Variants in INTS1 observed in about 807,000 individuals in gnomAD.
INTS1 encodes integrator complex subunit 1.
In INTS1, 137 loss-of-function variants were observed where a neutral mutation model predicts 241.6. The observed-to-expected ratio is 0.57, with a 90% CI of 0.49 to 0.65. The LOEUF is 0.65. Ranked by LOEUF, INTS1 falls within the 30% of genes least tolerant of loss-of-function variation. The pLI is 0.00. For missense variants in INTS1, 3,073 were observed against 3,032.2 expected, an observed-to-expected ratio of 1.01 and a Z score of -0.32; for synonymous variants, 1,692 against 1,337.8, an observed-to-expected ratio of 1.26 and a Z score of -5.78.
chr7:1,480,000 G>A (rs527654509), intron 30 of INTS1, among the ~76,000 whole-genome samples: 1 of 152,238 alleles, frequency 6.6e-6, no homozygotes, highest in African/African-American at 2.4e-5. Context: ...GACCTCAGGC[G>A]AGACCTGCAA....
In INTS1 at chr7:1,496,142, C is replaced by T; in HGVS notation, c.1711+14G>A. 3 of 1,608,276 alleles carry T rather than the reference C, an allele frequency of 1.9e-6. No individual in the cohort carries two copies. The highest frequency in any genetic ancestry group is 2.6e-6 in the Non-Finnish European group (3 of 1,174,860). On this transcript the variant is annotated intron_variant, in intron 12 of 47. Coordinates refer to ENST00000404767, the MANE Select transcript of INTS1 (RefSeq NM_001080453.3). ...CCCCCACCAAGCAGGGCCAGGCCAC[C>T]CCCACATCCTTACTCCTCTTTTCTC...
intron 39 of INTS1, among the ~76,000 whole-genome samples, 162 bp downstream of exon 39, chr7:1,475,786 A>G (rs951408848): frequency 6.6e-5 from 10 of 152,200 alleles, no homozygotes; most frequent in Non-Finnish European, 8.8e-5. Context: ...TCGGTATAAA[A>G]CTCAACGCAG....
At chr7:1,485,263 T>C in intron 23 of INTS1, 27 bp downstream of exon 23, 1 of 1,598,034 alleles carries the variant, frequency 6.3e-7, no homozygotes. Flanking sequence ...CATCTTTCCC[T>C]GCCGCGGCCC....
chr7:1,489,428 C>T (rs1268990865), intron 17 of INTS1, 24 bp from the exon 18 acceptor site: 2 of 1,053,358 alleles, frequency 1.9e-6, no homozygotes, highest in African/African-American at 4.1e-5. Flanking sequence ...GGGTGTGGGG[C>T]TGGCCAGGCT....
intron 44 of INTS1, chr7:1,471,882 G>A (rs772167639): frequency 1.7e-6 from 1 of 586,762 alleles, no homozygotes; most frequent in Non-Finnish European, 3.0e-6. Flanking sequence ...CCATATCCAG[G>A]GTGCTCTTAG....
At position 1,489,686 on chromosome 7, in the gene INTS1, G is replaced by A. The variant is rs1271447690; in HGVS notation, c.2166-4C>T. On this transcript the variant is annotated splice_region_variant and splice_polypyrimidine_tract_variant and intron_variant, in intron 16 of 47. Coordinates refer to ENST00000404767, the MANE Select transcript of INTS1 (RefSeq NM_001080453.3). ...GGCGAGGTTCGGAGGCTGGTACCTG[G>A]AAGGCAGGGGCGCCCCGACTCAGGC... is the stretch of plus-strand genomic sequence containing the variant. 2.0e-6 allele frequency: 3 copies of A among 1,524,410 alleles called. No homozygotes were observed. The highest frequency in any genetic ancestry group is 2.1e-5 in the Admixed American group (1 of 47,150). 94.4% of individuals were successfully genotyped at this position (1,524,410 alleles called of 1,614,324 possible).
rs1395400285 is a variant in INTS1 at position 1,479,620 on chromosome 7, A to G, written c.4139T>C (p.Leu1380Pro). The change falls in exon 31 of 48, where the codon CTG becomes CCG. Residue 1380 changes from leucine (L) to proline (P), a missense_variant. By Grantham distance (98) the Leu-to-Pro change is moderately conservative. Transcript: ENST00000404767. ...SSSPRPVALA[L>P]QQALGQELAR... ...CAGCTCCTGGCCCAGGGCCTGCTGC[A>G]GGGCGAGGGCCACGGGGCGGGGACT... 2 of 1,524,608 alleles carry G rather than the reference A, an allele frequency of 1.3e-6. No homozygotes were observed. The highest frequency in any genetic ancestry group is 2.0e-5 in the Admixed American group (1 of 48,894). The allele number at this position is 1,524,608 out of a possible 1,614,324, so 94.4% of individuals were successfully genotyped here.
intron 3 of INTS1, among the ~76,000 whole-genome samples, chr7:1,502,070 G>C (rs914182792): frequency 6.6e-6 from 1 of 152,134 alleles, no homozygotes; most frequent in Non-Finnish European, 1.5e-5. Context: ...TGAGGGCAAG[G>C]CCACAGCCCA....
At chr7:1,489,295 C>T (rs1782431945) in intron 18 of INTS1, 49 bp downstream of exon 18, 1 of 1,572,950 alleles carries the variant, frequency 6.4e-7, no homozygotes, top group Non-Finnish European at 8.6e-7. Flanking sequence ...GGAACGAGAC[C>T]AGGCCCTGCT....
chr7:1,483,016 A>G, intron 26 of INTS1: 1 of 338,616 alleles, frequency 3.0e-6, no homozygotes, highest in Non-Finnish European at 5.5e-6. Context: ...ACCAGGTCCC[A>G]TCCAGCTCTC....
Position 1,485,566 on chromosome 7 carries a change from G to A in INTS1, c.2977-97C>T, listed in dbSNP as rs77455613. ...ACACGCATGGTGCCCTCAGAGCCCC[G>A]AGGAGAATGTGGCGCTTGCTTCCCA... On this transcript the variant is annotated intron_variant, in intron 22 of 47. Coordinates refer to ENST00000404767, the MANE Select transcript of INTS1 (RefSeq NM_001080453.3). The A allele has an allele frequency of 0.013, 16,579 of 1,305,108 alleles. 1,393 individuals carry two copies. In the African/African-American group the frequency reaches 0.2, roughly 16 times the overall value. 80.8% of individuals were successfully genotyped at this position (1,305,108 alleles called of 1,614,324 possible).
In INTS1 at chr7:1,474,450, CCA is replaced by C. The variant is rs1227605033; in HGVS notation, c.5637-92_5637-91del. ...AAGGCCCCACTGCCTGCCCCGGGAG[CCA>C]GACCCCGTGCTGCCCCCCAACCACC... On this transcript the variant is annotated intron_variant, in intron 40 of 47. Transcript: ENST00000404767. 5 of 1,362,794 alleles carry C rather than the reference CCA, an allele frequency of 3.7e-6. No individual in the cohort carries two copies. The East Asian group carries it at 1.0e-4, about 28-fold the overall frequency. The allele number at this position is 1,362,794 out of a possible 1,614,324, so 84.4% of individuals were successfully genotyped here. A position where few individuals can be genotyped will look rare whatever the true frequency, so the allele number is the denominator to read the frequency against.
chr7:1,475,843 A>T, intron 39 of INTS1, 105 bp downstream of exon 39: 1 of 1,379,768 alleles, frequency 7.2e-7, no homozygotes, highest in South Asian at 1.4e-5. Flanking sequence ...AAGGGGCAAG[A>T]GGGGTAGCCG....
At chr7:1,495,684 T>C in intron 12 of INTS1, 131 bp from the exon 13 acceptor site, 1 of 1,199,202 alleles carries the variant, frequency 8.3e-7, no homozygotes, top group Non-Finnish European at 1.2e-6. Flanking sequence ...TTCTGGACGA[T>C]TCCCAGCTGG....
chr7:1,474,468 C>G, intron 40 of INTS1, 108 bp from the exon 41 acceptor site: 1 of 1,229,812 alleles, frequency 8.1e-7, no homozygotes, highest in Non-Finnish European at 1.1e-6. Context: ...CGTGCTGCCC[C>G]CCAACCACCC....
chr7:1,489,029 C>T (rs1417128461), intron 18 of INTS1, among the ~76,000 whole-genome samples: 13 of 152,170 alleles, frequency 8.5e-5, no homozygotes, highest in Admixed American at 7.9e-4. Context: ...TCCAGCATCG[C>T]ACCACCCCCA....
intron 13 of INTS1, 92 bp downstream of exon 13, chr7:1,495,341 C>G: frequency 2.7e-6 from 4 of 1,455,828 alleles, no homozygotes; most frequent in Non-Finnish European, 3.7e-6. Flanking sequence ...TGTCCTGGCT[C>G]AGTGGGGTTT....
chr7:1,494,849 T>C lies in INTS1; in HGVS notation c.1877A>G (p.Lys626Arg). ...ACTCTCGGGTGGCCAGTTGTCCCAC[T>C]TGTAGTAGGTCTCCGGCTGCTCTGT... ...LFTEQPETYY[K>R]WDNWPPESDR... Residue 626 changes from lysine to arginine, a missense_variant, in exon 14 of 48, where the codon AAG (lysine) becomes AGG (arginine). Physicochemically the swap from Lys to Arg is conservative, Grantham distance 26. Coordinates refer to ENST00000404767, the MANE Select transcript of INTS1 (RefSeq NM_001080453.3). 2 of 1,569,530 alleles carry C rather than the reference T, an allele frequency of 1.3e-6. No individual in the cohort carries two copies. Among genetic ancestry groups the C allele is most frequent in the Non-Finnish European group, 1.7e-6 (2 of 1,157,948 alleles).
chr7:1,495,104 C>T (rs1782780658), intron 13 of INTS1, among the ~76,000 whole-genome samples: 1 of 108,290 alleles, frequency 9.2e-6, no homozygotes, highest in Admixed American at 8.1e-5. Flanking sequence ...AACGGGGCTG[C>T]CGGGCTGGAC....
Sources: gnomAD v4.1 joint callset for allele counts (sites outside exome capture counted in the v4.1 genomes callset) on GRCh38, gnomAD v4.1.1 for gene constraint, MANE v1.5 for transcripts, NCBI Gene and HGNC (gene_info 2026-07-23, HGNC 2026-07-21) for gene names.